OPRM1: variants seen among roughly 807,000 people sequenced by gnomAD.
OPRM1 encodes the protein opioid receptor mu 1, also known as mu-type opioid receptor.
OPRM1 carries 27 observed loss-of-function variants against 31.8 expected under a neutral mutation model. That is an observed-to-expected ratio of 0.85 (90% CI 0.63 to 1.17). The LOEUF is 1.17. Ranked by LOEUF, OPRM1 falls within the 50% of genes most tolerant of loss-of-function variation. The pLI is 0.00. For missense variants in OPRM1, 536 were observed against 511.1 expected, an observed-to-expected ratio of 1.05 and a Z score of -0.47; for synonymous variants, 196 against 189.9, an observed-to-expected ratio of 1.03 and a Z score of -0.26.
At chr6:154,133,053 G>A (rs1316865690), downstream of OPRM1, among the ~76,000 whole-genome samples, 10 of 151,660 alleles carry the variant, frequency 6.6e-5, no homozygotes, top group Admixed American at 2.6e-4. Context: ...CCCGGGAGGC[G>A]GAGCTTGCAG....
intron 3 of OPRM1, among the ~76,000 whole-genome samples, chr6:154,170,242 T>A (rs1799765596): frequency 6.6e-6 from 1 of 151,974 alleles, no homozygotes; most frequent in Admixed American, 6.5e-5. Flanking sequence ...CACCACATAC[T>A]CCTTAATGTT....
chr6:154,238,038 C>A (rs1203865130), intron 3 of OPRM1, among the ~76,000 whole-genome samples: 1 of 152,086 alleles, frequency 6.6e-6, no homozygotes, highest in African/African-American at 2.4e-5. Flanking sequence ...AATCAACTAT[C>A]ATATATGCAT....
chr6:154,217,383 C>T (rs1218113947), intron 3 of OPRM1: 2 of 151,008 alleles, frequency 1.3e-5, no homozygotes, highest in Admixed American at 6.6e-5. Context: ...AGATGATCCT[C>T]GCTGGAAAGG....
chr6:154,172,879 G>A (rs571609839), intron 3 of OPRM1, among the ~76,000 whole-genome samples: 1 of 152,324 alleles, frequency 6.6e-6, no homozygotes, highest in African/African-American at 2.4e-5. Context: ...TGACCCTCAT[G>A]TAGCCTGACT....
chr6:154,223,189 A>G (rs1383024878), intron 3 of OPRM1: 4 of 1,613,788 alleles, frequency 2.5e-6, no homozygotes, highest in South Asian at 2.2e-5. Context: ...TTGCATTCAG[A>G]TGCTCTTTCC....
chr6:154,091,087 G>A lies in OPRM1; in HGVS notation c.779G>A (p.Arg260His), dbSNP rs1799974. 1,577 of 1,614,096 alleles carry A rather than the reference G, an allele frequency of 9.8e-4. 4 individuals are homozygous for A. Among genetic ancestry groups the A allele is most frequent in the Admixed American group, 1.6e-3 (99 of 60,010 alleles). ...ITVCYGLMIL[R>H]LKSVRMLSGS... ...GTGTGCTATGGACTGATGATCTTGC[G>A]CCTCAAGAGTGTCCGCATGCTCTCT... The change falls in exon 3 of 4, where the codon CGC (arginine) becomes CAC (histidine). Residue 260 changes from arginine (R) to histidine (H), a missense_variant. Coordinates refer to ENST00000330432, the MANE Select transcript of OPRM1 (RefSeq NM_000914.5).
intron 3 of OPRM1, chr6:154,154,570 G>A (rs1043221304): frequency 6.6e-6 from 1 of 152,044 alleles, no homozygotes; most frequent in Non-Finnish European, 1.5e-5. Flanking sequence ...GCCACCAGAG[G>A]GCACTGTAAC....
At position 154,130,969 on chromosome 6, in the gene OPRM1, C is replaced by A. The variant is rs1391720321; in HGVS notation, c.*12248C>A. Among the ~76,000 whole-genome samples, 1 of 151,742 alleles carries A rather than the reference C, an allele frequency of 6.6e-6. No homozygotes were observed. Among genetic ancestry groups the A allele is most frequent in the African/African-American group, 2.4e-5 (1 of 41,306 alleles). On this transcript the variant is annotated 3_prime_UTR_variant, in exon 4 of 4. Transcript: ENST00000330432. ...TATTATGTTATATGAAAAAAAGAAA[C>A]CTTGTAAGTGCAGATTTATTTTAAA...
chr6:154,078,821 T>C (rs1003868035), intron 1 of OPRM1, among the ~76,000 whole-genome samples: 1 of 152,062 alleles, frequency 6.6e-6, no homozygotes, highest in African/African-American at 2.4e-5. Flanking sequence ...AAAGCTGCAG[T>C]GAGTCATAAT....
chr6:154,180,794 G>A (rs1764911071), intron 3 of OPRM1, among the ~76,000 whole-genome samples: 1 of 152,100 alleles, frequency 6.6e-6, no homozygotes, highest in South Asian at 2.1e-4. Flanking sequence ...TTTCTTATCA[G>A]AATTTGAAAG....
At chr6:154,096,146 C>T (rs1793343389) in intron 3 of OPRM1, among the ~76,000 whole-genome samples, 1 of 152,208 alleles carries the variant, frequency 6.6e-6, no homozygotes, top group African/African-American at 2.4e-5. Flanking sequence ...CAACCTCTTC[C>T]TCCTGGTTCA....
intron 1 of OPRM1, among the ~76,000 whole-genome samples, chr6:154,014,172 A>G (rs1777878837): frequency 1.3e-5 from 2 of 152,196 alleles, no homozygotes; most frequent in Admixed American, 1.3e-4. Flanking sequence ...TCTGGAAGAA[A>G]TATTTCAAGT....
chr6:154,176,039 A>G (rs1175338006), intron 3 of OPRM1, among the ~76,000 whole-genome samples: 1 of 152,222 alleles, frequency 6.6e-6, no homozygotes, highest in African/African-American at 2.4e-5. Flanking sequence ...AATAGACATA[A>G]TCTATCACAT....
At position 154,216,728 on chromosome 6, in the gene OPRM1, C is replaced by T. The variant is rs140385057; in HGVS notation, c.1165-29965C>T. Among the ~76,000 whole-genome samples, 1,057 of 152,184 alleles carry T rather than the reference C, an allele frequency of 6.9e-3. 11 individuals are homozygous for T. The highest frequency in any genetic ancestry group is 0.024 in the Middle Eastern group (7 of 294). On this transcript the variant is annotated intron_variant, in intron 3 of 3. Transcript: ENST00000337049. Reference sequence around the variant, plus strand: ...ACCAAAAATACAAAAATTAGCCAGGCGTGGTGGCACACGCCTATAATCCCA... The same window carrying T: ...ACCAAAAATACAAAAATTAGCCAGGTGTGGTGGCACACGCCTATAATCCCA...
chr6:154,234,528 A>G (rs1228016626), intron 3 of OPRM1, among the ~76,000 whole-genome samples: 1 of 152,208 alleles, frequency 6.6e-6, no homozygotes, highest in Non-Finnish European at 1.5e-5. Flanking sequence ...GAACAGCCCA[A>G]CTGCTCAGCA....
intron 3 of OPRM1, among the ~76,000 whole-genome samples, chr6:154,190,472 C>T (rs763130358): frequency 1.2e-4 from 19 of 152,164 alleles, no homozygotes; most frequent in Admixed American, 3.3e-4. Context: ...TACTACCCAC[C>T]TACTAGCATG....
In OPRM1 at chr6:154,198,461, T is replaced by C. The variant is rs533317340; in HGVS notation, c.1165-48232T>C. On this transcript the variant is annotated intron_variant, in intron 3 of 3. Coordinates refer to the OPRM1 transcript ENST00000337049. ...TTTACTCCAGTTCTTCTAATCTAGA[T>C]AGTTGGCCTAAATAAAGGGGAGAAG... is the stretch of plus-strand genomic sequence containing the variant. Among the ~76,000 whole-genome samples, 3 of 152,130 alleles carry C rather than the reference T, an allele frequency of 2.0e-5. No individual in the cohort carries two copies. In the South Asian group the frequency reaches 6.2e-4, roughly 31 times the overall value.
chr6:154,145,010 C>G (rs1470109642), intron 3 of OPRM1, among the ~76,000 whole-genome samples: 1 of 151,850 alleles, frequency 6.6e-6, no homozygotes, highest in Non-Finnish European at 1.5e-5. Flanking sequence ...AATATATATA[C>G]CAAAAAACTA....
At chr6:154,063,522 G>T (rs952726099) in intron 1 of OPRM1, among the ~76,000 whole-genome samples, 1 of 151,528 alleles carries the variant, frequency 6.6e-6, no homozygotes, top group African/African-American at 2.4e-5. Context: ...CATTTTAACC[G>T]CTTGTAAGTA....
Sources: allele counts gnomAD v4.1 joint callset (sites outside exome capture counted in the v4.1 genomes callset), GRCh38; gene constraint gnomAD v4.1.1; transcripts MANE v1.5; gene names NCBI Gene and HGNC (gene_info 2026-07-23, HGNC 2026-07-21).